KRTAP3-2: variants seen among roughly 807,000 people sequenced by gnomAD.
KRTAP3-2 encodes the protein keratin-associated protein 3-2.
A neutral mutation model predicts 5.4 loss-of-function variants in KRTAP3-2; 2 were observed. The observed-to-expected ratio is 0.37, with a 90% CI of 0.15 to 1.17. The LOEUF is 1.17. KRTAP3-2 is among the 50% of genes most tolerant of loss of function. The pLI is 0.37. For missense variants in KRTAP3-2, 113 were observed against 122.0 expected (o/e 0.93, Z 0.35); for synonymous variants, 49 against 48.0 (o/e 1.02, Z -0.08).
At position 40,999,481 on chromosome 17, in the gene KRTAP3-2, C is replaced by A; in HGVS notation, c.*76G>T. On this transcript the variant is annotated 3_prime_UTR_variant, in exon 1 of 1. Transcript: ENST00000391587. ...CTGGTCTACCTTAACATCTGGCAAA[C>A]TACTGAGGCAAGTGAATACTGAAGG... The A allele has an allele frequency of 1.3e-6, 2 of 1,566,968 alleles. No individual in the cohort carries two copies. The highest frequency in any genetic ancestry group is 1.3e-5 in the African/African-American group (1 of 74,254).
chr17:40,999,511 G>A lies in KRTAP3-2; in HGVS notation c.*46C>T. On this transcript the variant is annotated 3_prime_UTR_variant, in exon 1 of 1. Coordinates refer to ENST00000391587, the MANE Select transcript of KRTAP3-2 (RefSeq NM_031959.3). ...GAGGCAAGTGAATACTGAAGGGACAGCTTCTGGATTCTTCGTTGTCGGGCA... is the reference window on the plus strand; with the variant it reads ...GAGGCAAGTGAATACTGAAGGGACAACTTCTGGATTCTTCGTTGTCGGGCA... 1.9e-6 allele frequency: 3 copies of A among 1,597,408 alleles called. No individual in the cohort carries two copies. In the South Asian group the frequency reaches 3.4e-5, roughly 18 times the overall value.
In KRTAP3-2 at chr17:40,999,689, G is replaced by A; in HGVS notation, c.165C>T (p.Cys55=). 3 of 1,614,050 alleles carry A rather than the reference G, an allele frequency of 1.9e-6. No homozygotes were observed. Among genetic ancestry groups the A allele is most frequent in the Non-Finnish European group, 8.5e-7 (1 of 1,180,008 alleles). The change falls in exon 1 of 1, where the codon TGC becomes TGT. Residue 55 remains cysteine, a synonymous_variant. Coordinates refer to ENST00000391587, the MANE Select transcript of KRTAP3-2 (RefSeq NM_031959.3). ...PICCDNCPPP[C]HIPQPCVPTC... ...TGGGCACGCAGGGCTGAGGAATGTG[G>A]CAGGGTGGGGGACAGTTGTCACAGC...
chr17:40,999,398 A>G lies in KRTAP3-2; in HGVS notation c.*159T>C. ...TTTTTCAGCTAAATAACCATAAAAAATACTTTTCTTTTTTTCCCCCATTAA... is the reference window on the plus strand; with the variant it reads ...TTTTTCAGCTAAATAACCATAAAAAGTACTTTTCTTTTTTTCCCCCATTAA... On this transcript the variant is annotated 3_prime_UTR_variant, in exon 1 of 1. Coordinates refer to ENST00000391587, the MANE Select transcript of KRTAP3-2 (RefSeq NM_031959.3). 1 of 1,135,316 alleles carries G rather than the reference A, an allele frequency of 8.8e-7. No homozygotes were observed. Among genetic ancestry groups the G allele is most frequent in the Non-Finnish European group, 1.2e-6 (1 of 816,456 alleles). The allele number at this position is 1,135,316 out of a possible 1,614,324, so 70.3% of individuals were successfully genotyped here.
At position 40,999,617 on chromosome 17, in the gene KRTAP3-2, G is replaced by A. The variant is rs1490277138; in HGVS notation, c.237C>T (p.Thr79=). ...NSCQPTPGLE[T]LNLTTFTQPC... is the part of the protein sequence containing the mutation. ...GCTGAGTGAAGGTGGTGAGGTTGAGGGTCTCCAGGCCCGGAGTTGGCTGGC... is the reference window on the plus strand; with the variant it reads ...GCTGAGTGAAGGTGGTGAGGTTGAGAGTCTCCAGGCCCGGAGTTGGCTGGC... The change falls in exon 1 of 1, where the codon ACC becomes ACT. Residue 79 remains threonine (T), a synonymous_variant. Coordinates refer to ENST00000391587, the MANE Select transcript of KRTAP3-2 (RefSeq NM_031959.3). 1 of 1,613,746 alleles carries A rather than the reference G, an allele frequency of 6.2e-7. No individual in the cohort carries two copies. The highest frequency in any genetic ancestry group is 1.3e-5 in the African/African-American group (1 of 74,918).
chr17:40,999,696 G>C lies in KRTAP3-2; in HGVS notation c.158C>G (p.Pro53Arg), dbSNP rs150830376. The C allele has an allele frequency of 6.2e-7, 1 of 1,614,052 alleles. No homozygotes were observed. Among genetic ancestry groups the C allele is most frequent in the Admixed American group, 1.7e-5 (1 of 60,020 alleles). ...LEPICCDNCPPPCHIPQPCVP... is the reference protein window; with the variant it reads ...LEPICCDNCPRPCHIPQPCVP... ...GCAGGGCTGAGGAATGTGGCAGGGT[G>C]GGGGACAGTTGTCACAGCAGATGGG... Residue 53 changes from proline (P) to arginine (R), a missense_variant, in exon 1 of 1, where the codon CCA (proline) becomes CGA (arginine). Physicochemically the swap from Pro to Arg is moderately radical, Grantham distance 103. Coordinates refer to ENST00000391587, the MANE Select transcript of KRTAP3-2 (RefSeq NM_031959.3).
In KRTAP3-2 at chr17:40,999,817, T is replaced by C. The variant is rs369275066; in HGVS notation, c.37A>G (p.Thr13Ala). The change falls in exon 1 of 1, where the codon ACT (threonine) becomes GCT (alanine). Residue 13 changes from threonine (T) to alanine (A), a missense_variant. Thr to Ala is a moderately conservative substitution (Grantham distance 58). Transcript: ENST00000391587. The part of the protein sequence containing the change: ...CCASRSCSVP[T>A]GPATTICSSD... The stretch of plus-strand genomic sequence containing the variant: ...GAGCAGATGGTGGTGGCAGGCCCAG[T>C]GGGGACACTGCAGCTGCGAGAGGCA... 11 of 1,613,942 alleles carry C rather than the reference T, an allele frequency of 6.8e-6. No individual in the cohort carries two copies. In the African/African-American group the frequency reaches 9.4e-5, roughly 14 times the overall value.
At position 40,999,303 on chromosome 17, in the gene KRTAP3-2, C is replaced by A; in HGVS notation, c.*254G>T. ...AGCAATATGATCAAGAACATGTAATCTGAGGTCTTAAAGATTGAAACAGTA... is the reference window on the plus strand; with the variant it reads ...AGCAATATGATCAAGAACATGTAATATGAGGTCTTAAAGATTGAAACAGTA... On this transcript the variant is annotated 3_prime_UTR_variant, in exon 1 of 1. Coordinates refer to ENST00000391587, the MANE Select transcript of KRTAP3-2 (RefSeq NM_031959.3). 1 of 531,606 alleles carries A rather than the reference C, an allele frequency of 1.9e-6. No individual in the cohort carries two copies. Among genetic ancestry groups the A allele is most frequent in the Non-Finnish European group, 3.2e-6 (1 of 307,718 alleles). 32.9% of individuals were successfully genotyped at this position (531,606 alleles called of 1,614,324 possible).
At position 40,999,370 on chromosome 17, in the gene KRTAP3-2, T is replaced by C; in HGVS notation, c.*187A>G. On this transcript the variant is annotated 3_prime_UTR_variant, in exon 1 of 1. Coordinates refer to ENST00000391587, the MANE Select transcript of KRTAP3-2 (RefSeq NM_031959.3). Reference sequence around the variant, plus strand: ...CATTCACCTGCCCACAGGAACCAAATGGTTTTTCAGCTAAATAACCATAAA... The same window carrying C: ...CATTCACCTGCCCACAGGAACCAAACGGTTTTTCAGCTAAATAACCATAAA... 2 of 894,608 alleles carry C rather than the reference T, an allele frequency of 2.2e-6. No individual in the cohort carries two copies. Among genetic ancestry groups the C allele is most frequent in the South Asian group, 2.0e-5 (1 of 50,270 alleles). 55.4% of individuals were successfully genotyped at this position (894,608 alleles called of 1,614,324 possible).
At position 40,999,670 on chromosome 17, in the gene KRTAP3-2, C is replaced by T. The variant is rs147430362; in HGVS notation, c.184G>A (p.Val62Met). ...GAGTTGAGCAGGAAGCAGGTGGGCA[C>T]GCAGGGCTGAGGAATGTGGCAGGGT... ...PPPCHIPQPCVPTCFLLNSCQ... is the reference protein window; with the variant it reads ...PPPCHIPQPCMPTCFLLNSCQ... Residue 62 changes from valine (V) to methionine (M), a missense_variant, in exon 1 of 1, where the codon GTG becomes ATG. Physicochemically the swap from Val to Met is conservative, Grantham distance 21. Coordinates refer to ENST00000391587, the MANE Select transcript of KRTAP3-2 (RefSeq NM_031959.3). The T allele has an allele frequency of 5.2e-5, 84 of 1,613,872 alleles. No homozygotes were observed. Among genetic ancestry groups the T allele is most frequent in the East Asian group, 4.5e-4 (20 of 44,860 alleles).
At position 40,999,432 on chromosome 17, in the gene KRTAP3-2, G is replaced by C; in HGVS notation, c.*125C>G. ...TTTTTTTCCCCCATTAAAACCAAAG[G>C]TAAGTTCTTCATATCTGGGTCATCT... On this transcript the variant is annotated 3_prime_UTR_variant, in exon 1 of 1. Transcript: ENST00000391587. 1 of 1,369,182 alleles carries C rather than the reference G, an allele frequency of 7.3e-7. No individual in the cohort carries two copies. 84.8% of individuals were successfully genotyped at this position (1,369,182 alleles called of 1,614,324 possible).
At position 40,999,449 on chromosome 17, in the gene KRTAP3-2, G is replaced by T. The variant is rs1443852726; in HGVS notation, c.*108C>A. On this transcript the variant is annotated 3_prime_UTR_variant, in exon 1 of 1. Coordinates refer to ENST00000391587, the MANE Select transcript of KRTAP3-2 (RefSeq NM_031959.3). ...AACCAAAGGTAAGTTCTTCATATCT[G>T]GGTCATCTGGTCTACCTTAACATCT... 6.9e-7 allele frequency: 1 copy of T among 1,452,476 alleles called. No homozygotes were observed. The highest frequency in any genetic ancestry group is 1.4e-5 in the African/African-American group (1 of 70,760). The allele number at this position is 1,452,476 out of a possible 1,614,324, so 90.0% of individuals were successfully genotyped here.
Position 40,999,303 on chromosome 17 carries a change from C to T in KRTAP3-2, c.*254G>A, listed in dbSNP as rs1031987978. Reference sequence around the variant, plus strand: ...AGCAATATGATCAAGAACATGTAATCTGAGGTCTTAAAGATTGAAACAGTA... The same window carrying T: ...AGCAATATGATCAAGAACATGTAATTTGAGGTCTTAAAGATTGAAACAGTA... On this transcript the variant is annotated 3_prime_UTR_variant, in exon 1 of 1. Transcript: ENST00000391587. 5.6e-6 allele frequency: 3 copies of T among 531,606 alleles called. No homozygotes were observed. The African/African-American group carries it at 5.7e-5, about 10-fold the overall frequency. 32.9% of individuals were successfully genotyped at this position (531,606 alleles called of 1,614,324 possible). A position where few individuals can be genotyped will look rare whatever the true frequency, so the allele number is the denominator to read the frequency against.
At position 40,999,578 on chromosome 17, in the gene KRTAP3-2, G is replaced by A. The variant is rs1227679559; in HGVS notation, c.276C>T (p.Pro92=). Residue 92 remains proline (P), a synonymous_variant, in exon 1 of 1, where the codon CCC becomes CCT. Transcript: ENST00000391587. ...LTTFTQPCCE[P]CLPRGC is the part of the protein sequence containing the mutation. ...TCCATCAGCAGCCTCTTGGGAGGCA[G>A]GGCTCACAGCAGGGCTGAGTGAAGG... 6.2e-7 allele frequency: 1 copy of A among 1,613,950 alleles called. No individual in the cohort carries two copies. Among genetic ancestry groups the A allele is most frequent in the East Asian group, 2.2e-5 (1 of 44,868 alleles).
chr17:40,999,647 G>C lies in KRTAP3-2; in HGVS notation c.207C>G (p.Asn69Lys). 3 of 1,614,060 alleles carry C rather than the reference G, an allele frequency of 1.9e-6. No homozygotes were observed. Among genetic ancestry groups the C allele is most frequent in the South Asian group, 1.1e-5 (1 of 91,080 alleles). Residue 69 changes from asparagine (N) to lysine (K), a missense_variant, in exon 1 of 1, where the codon AAC becomes AAG. Transcript: ENST00000391587. ...CCAGGCCCGGAGTTGGCTGGCAGGA[G>C]TTGAGCAGGAAGCAGGTGGGCACGC... ...QPCVPTCFLL[N>K]SCQPTPGLET...
rs1567873673 is a variant in KRTAP3-2 at position 40,999,899 on chromosome 17, TG to T, written c.-47del. The T allele has an allele frequency of 6.2e-7, 1 of 1,606,386 alleles. No homozygotes were observed. Among genetic ancestry groups the T allele is most frequent in the Admixed American group, 1.7e-5 (1 of 59,708 alleles). On this transcript the variant is annotated 5_prime_UTR_variant, in exon 1 of 1. Transcript: ENST00000391587. Reference sequence around the variant, plus strand: ...CTTTCAGTTTCTTAGATGAGGATTCTGAGGTACAAATGTCTCCTCTTTTGTT... The same window carrying T: ...CTTTCAGTTTCTTAGATGAGGATTCTAGGTACAAATGTCTCCTCTTTTGTT...
chr17:40,999,494 T>C lies in KRTAP3-2; in HGVS notation c.*63A>G. Reference sequence around the variant, plus strand: ...ACATCTGGCAAACTACTGAGGCAAGTGAATACTGAAGGGACAGCTTCTGGA... The same window carrying C: ...ACATCTGGCAAACTACTGAGGCAAGCGAATACTGAAGGGACAGCTTCTGGA... On this transcript the variant is annotated 3_prime_UTR_variant, in exon 1 of 1. Coordinates refer to ENST00000391587, the MANE Select transcript of KRTAP3-2 (RefSeq NM_031959.3). The C allele has an allele frequency of 6.3e-7, 1 of 1,579,968 alleles. No individual in the cohort carries two copies. The highest frequency in any genetic ancestry group is 1.2e-5 in the South Asian group (1 of 85,196).
chr17:40,999,623 C>A lies in KRTAP3-2; in HGVS notation c.231G>T (p.Leu77=), dbSNP rs762523030. 5 of 1,613,802 alleles carry A rather than the reference C, an allele frequency of 3.1e-6. No homozygotes were observed. In the Admixed American group the frequency reaches 8.3e-5, roughly 27 times the overall value. Residue 77 remains leucine, a synonymous_variant, in exon 1 of 1, where the codon CTG becomes CTT. Coordinates refer to ENST00000391587, the MANE Select transcript of KRTAP3-2 (RefSeq NM_031959.3). The part of the protein sequence containing the change: ...LLNSCQPTPG[L]ETLNLTTFTQ... ...TGAAGGTGGTGAGGTTGAGGGTCTC[C>A]AGGCCCGGAGTTGGCTGGCAGGAGT...
chr17:40,999,280 C>A lies in KRTAP3-2; in HGVS notation c.*277G>T. 2.3e-6 allele frequency: 1 copy of A among 429,196 alleles called. No homozygotes were observed. Among genetic ancestry groups the A allele is most frequent in the Non-Finnish European group, 4.1e-6 (1 of 246,698 alleles). 26.6% of individuals were successfully genotyped at this position (429,196 alleles called of 1,614,324 possible). The stretch of plus-strand genomic sequence containing the variant: ...AGTACAAGAAACAAGAGCCAGGAAG[C>A]AATATGATCAAGAACATGTAATCTG... On this transcript the variant is annotated 3_prime_UTR_variant, in exon 1 of 1. Transcript: ENST00000391587.
rs755098954 is a variant in KRTAP3-2 at position 40,999,553 on chromosome 17, T to C, written c.*4A>G. 6.2e-7 allele frequency: 1 copy of C among 1,613,290 alleles called. No individual in the cohort carries two copies. Among genetic ancestry groups the C allele is most frequent in the Non-Finnish European group, 8.5e-7 (1 of 1,179,384 alleles). On this transcript the variant is annotated 3_prime_UTR_variant, in exon 1 of 1. Transcript: ENST00000391587. ...TGTCGGGCACTGAGCAAAGTAGCCA[T>C]CCATCAGCAGCCTCTTGGGAGGCAG...
Sources: gnomAD v4.1 joint callset for allele counts on GRCh38, gnomAD v4.1.1 for gene constraint, MANE v1.5 for transcripts, NCBI Gene and HGNC (gene_info 2026-07-23, HGNC 2026-07-21) for gene names.